The following ROBO1 variants were observed in gnomAD, a reference collection of about 807,000 sequenced individuals.
The protein encoded by ROBO1 is roundabout guidance receptor 1, also known as roundabout homolog 1.
Under a neutral mutation model 195.9 loss-of-function variants are expected in ROBO1, and 149 were observed. The observed-to-expected ratio is 0.76, with a 90% CI of 0.67 to 0.87. The LOEUF (loss-of-function observed/expected upper bound fraction) is 0.87, where lower values mean the gene tolerates loss of function less well. Among genes scored for constraint, ROBO1 ranks in the 40% least tolerant of loss-of-function variants. The pLI, the probability that ROBO1 is intolerant of heterozygous loss-of-function variation, is 0.00. For missense variants in ROBO1, 1,933 were observed against 2,068.3 expected, an observed-to-expected ratio of 0.93 and a Z score of 1.27; for synonymous variants, 816 against 733.2, an observed-to-expected ratio of 1.11 and a Z score of -1.82.
intron 1 of ROBO1, among the ~76,000 whole-genome samples, chr3:79,752,799 G>A (rs533113227): frequency 2.0e-5 from 3 of 152,224 alleles, no homozygotes; most frequent in African/African-American, 7.2e-5. Context: ...TTTACTTGCA[G>A]AGATAATGAA....
At chr3:79,702,617 G>A (rs1947652358) in intron 1 of ROBO1, among the ~76,000 whole-genome samples, 1 of 151,716 alleles carries the variant, frequency 6.6e-6, no homozygotes, top group Non-Finnish European at 1.5e-5. Context: ...AGGCATTATT[G>A]TGCCTATCTC....
intron 2 of ROBO1, among the ~76,000 whole-genome samples, chr3:79,249,488 C>T (rs1292440292): frequency 2.0e-5 from 3 of 151,984 alleles, no homozygotes; most frequent in Non-Finnish European, 4.4e-5. Context: ...TGTTTTGTGC[C>T]CAATCATAAG....
chr3:79,630,808 A>G (rs1323915300), intron 1 of ROBO1, among the ~76,000 whole-genome samples: 1 of 152,044 alleles, frequency 6.6e-6, no homozygotes, highest in Non-Finnish European at 1.5e-5. Flanking sequence ...AACATAAAAA[A>G]ATCAGTAACA....
chr3:78,599,382 A>G (rs1444480), intron 30 of ROBO1, among the ~76,000 whole-genome samples: 37,918 of 152,082 alleles, frequency 0.25, 4,850 homozygotes, highest in Middle Eastern at 0.37. Flanking sequence ...CTAAACCTCA[A>G]AATCGAAATA....
At chr3:79,077,204 C>T (rs554996175) in intron 3 of ROBO1, among the ~76,000 whole-genome samples, 1 of 151,858 alleles carries the variant, frequency 6.6e-6, no homozygotes, top group Non-Finnish European at 1.5e-5. Context: ...TTCCACATTC[C>T]GTCTCCAGCC....
At chr3:79,345,535 G>T (rs1355243199) in intron 2 of ROBO1, among the ~76,000 whole-genome samples, 1 of 152,098 alleles carries the variant, frequency 6.6e-6, no homozygotes, top group Non-Finnish European at 1.5e-5. Flanking sequence ...CTAATTACCT[G>T]TGTGGTACCT....
At chr3:79,128,049 T>C (rs1329419370) in intron 2 of ROBO1, among the ~76,000 whole-genome samples, 1 of 152,232 alleles carries the variant, frequency 6.6e-6, no homozygotes, top group East Asian at 1.9e-4. Context: ...AATAGCCACT[T>C]GACTCACTGC....
At chr3:78,629,995 T>G (rs1705083594) in intron 25 of ROBO1, among the ~76,000 whole-genome samples, 1 of 152,210 alleles carries the variant, frequency 6.6e-6, no homozygotes, top group Non-Finnish European at 1.5e-5. Flanking sequence ...CTGCTTAAAA[T>G]GGCCCTCAAA....
chr3:79,494,978 T>C (rs1939652680), intron 2 of ROBO1, among the ~76,000 whole-genome samples: 1 of 152,008 alleles, frequency 6.6e-6, no homozygotes, highest in Non-Finnish European at 1.5e-5. Context: ...TACTTTCCTC[T>C]AAAGAATGGA....
At chr3:79,738,700 T>C (rs1703495387) in intron 1 of ROBO1, among the ~76,000 whole-genome samples, 1 of 152,166 alleles carries the variant, frequency 6.6e-6, no homozygotes, top group African/African-American at 2.4e-5. Context: ...TGACTTGATA[T>C]TTTTCCACCA....
intron 2 of ROBO1, among the ~76,000 whole-genome samples, chr3:79,553,299 A>G (rs1366032230): frequency 2.0e-5 from 3 of 152,018 alleles, no homozygotes; most frequent in Non-Finnish European, 4.4e-5. Context: ...CAAAATTTCC[A>G]CTTCTAAAAC....
At chr3:78,621,305 C>T (rs1429152692) in intron 26 of ROBO1, among the ~76,000 whole-genome samples, 2 of 152,036 alleles carry the variant, frequency 1.3e-5, no homozygotes, top group African/African-American at 4.8e-5. Context: ...CCCAAAATAC[C>T]ACAAGAAACT....
chr3:78,793,254 T>C (rs1418916038), intron 4 of ROBO1, among the ~76,000 whole-genome samples: 1 of 152,172 alleles, frequency 6.6e-6, no homozygotes, highest in East Asian at 1.9e-4. Flanking sequence ...AAATACGAGT[T>C]CATTAAATCT....
intron 1 of ROBO1, among the ~76,000 whole-genome samples, chr3:79,671,863 T>C (rs1308484591): frequency 6.6e-6 from 1 of 151,918 alleles, no homozygotes; most frequent in East Asian, 1.9e-4. Context: ...CCTTTATTAC[T>C]CATAATGTAT....
At chr3:79,197,705 T>C (rs918734675) in intron 2 of ROBO1, among the ~76,000 whole-genome samples, 1 of 152,062 alleles carries the variant, frequency 6.6e-6, no homozygotes, top group Non-Finnish European at 1.5e-5. Context: ...CATCTGTTGT[T>C]TCCTGACTTT....
intron 4 of ROBO1, among the ~76,000 whole-genome samples, chr3:78,799,578 T>C (rs2084299805): frequency 1.3e-5 from 2 of 151,850 alleles, no homozygotes; most frequent in Admixed American, 6.6e-5. Flanking sequence ...CCTGACCTCG[T>C]GATCCACCCA....
intron 3 of ROBO1, among the ~76,000 whole-genome samples, chr3:79,096,642 T>C (rs899438753): frequency 1.3e-5 from 2 of 151,266 alleles, no homozygotes; most frequent in African/African-American, 4.9e-5. Context: ...TGTATACACA[T>C]AGGAAGACTA....
chr3:79,348,210 C>CAA lies in ROBO1; in HGVS notation c.89-222673_89-222672dup, dbSNP rs71127380. 9.0e-3 allele frequency among the ~76,000 whole-genome samples: 652 copies of CAA among 72,844 alleles called. 15 individuals are homozygous for CAA. Among genetic ancestry groups the CAA allele is most frequent in the African/African-American group, 0.027 (586 of 21,396 alleles). 47.8% of individuals were successfully genotyped at this position (72,844 alleles called of 152,430 possible). On this transcript the variant is annotated intron_variant, in intron 2 of 30. Coordinates refer to ENST00000464233, the MANE Select transcript of ROBO1 (RefSeq NM_002941.4). ...TGGGAGACACAAAGAGACTCCATCT[C>CAA]AAAAAAAAAAAAAAAAAAAAGTGAA...
chr3:79,623,675 C>T (rs764115558), intron 1 of ROBO1, among the ~76,000 whole-genome samples: 12 of 152,004 alleles, frequency 7.9e-5, no homozygotes, highest in South Asian at 2.1e-4. Context: ...TGAACAAAGA[C>T]TACAAGAAAT....
Sources: gnomAD v4.1 joint callset for allele counts (sites outside exome capture counted in the v4.1 genomes callset) on GRCh38, gnomAD v4.1.1 for gene constraint, MANE v1.5 for transcripts, NCBI Gene and HGNC (gene_info 2026-07-23, HGNC 2026-07-21) for gene names.